The following AGPAT5 variants were observed in gnomAD, a reference collection of about 807,000 sequenced individuals.
AGPAT5 encodes the protein 1-acylglycerol-3-phosphate O-acyltransferase 5.
A neutral mutation model predicts 45.6 loss-of-function variants in AGPAT5; 46 were observed. The observed-to-expected ratio is 1.01, with a 90% CI of 0.80 to 1.29. The LOEUF (loss-of-function observed/expected upper bound fraction) is 1.29. Among genes scored for constraint, AGPAT5 ranks in the 50% most tolerant of loss-of-function variants. AGPAT5 has a pLI of 0.00. For missense variants in AGPAT5, 673 were observed against 450.7 expected (o/e 1.49, Z -4.47); for synonymous variants, 272 against 167.0 (o/e 1.63, Z -4.85).
In AGPAT5 at chr8:6,714,004, C is replaced by T. The variant is rs116931493; in HGVS notation, c.219+5117C>T. Among the ~76,000 whole-genome samples the T allele has an allele frequency of 3.9e-5, 6 of 152,304 alleles. No individual in the cohort carries two copies. In the South Asian group the frequency reaches 1.2e-3, roughly 32 times the overall value. ...ATTCTGAATCTTGCTGTAAAAGCAGCCATTCATTAGAATGAAACATGTTTA... is the reference window on the plus strand; with the variant it reads ...ATTCTGAATCTTGCTGTAAAAGCAGTCATTCATTAGAATGAAACATGTTTA... On this transcript the variant is annotated intron_variant, in intron 1 of 7. Coordinates refer to ENST00000285518, the MANE Select transcript of AGPAT5 (RefSeq NM_018361.5).
Position 6,758,645 on chromosome 8 carries a change from C to G in AGPAT5, c.*1257C>G, listed in dbSNP as rs190960488. The G allele has an allele frequency of 2.0e-5, 3 of 152,650 alleles. No homozygotes were observed. The highest frequency in any genetic ancestry group is 4.4e-5 in the Non-Finnish European group (3 of 68,022). 9.5% of individuals were successfully genotyped at this position (152,650 alleles called of 1,614,324 possible). ...ATGACTGAACGAATTTGTTTATTTC[C>G]CATTAGGTTTAGTGGAGCTACACAT... On this transcript the variant is annotated 3_prime_UTR_variant, in exon 8 of 8. Transcript: ENST00000285518.
chr8:6,748,264 T>TC (rs1801545300), intron 6 of AGPAT5, among the ~76,000 whole-genome samples: 1 of 152,314 alleles, frequency 6.6e-6, no homozygotes, highest in African/African-American at 2.4e-5. Context: ...CCTTTTTTTT[T>TC]CCCCAAACAT....
At chr8:6,737,107 T>C (rs780235640) in intron 4 of AGPAT5, among the ~76,000 whole-genome samples, 1 of 152,224 alleles carries the variant, frequency 6.6e-6, no homozygotes, top group African/African-American at 2.4e-5. Flanking sequence ...TCCCTGTTTT[T>C]TGTGGGCAAA....
chr8:6,719,548 T>C (rs1425731860), intron 1 of AGPAT5, among the ~76,000 whole-genome samples: 1 of 152,216 alleles, frequency 6.6e-6, no homozygotes, highest in Non-Finnish European at 1.5e-5. Context: ...GTAGATTATG[T>C]GGTTCACACT....
chr8:6,740,613 A>G (rs17078031), intron 4 of AGPAT5, among the ~76,000 whole-genome samples: 1,858 of 151,904 alleles, frequency 0.012, 43 homozygotes, highest in African/African-American at 0.043. Flanking sequence ...AAAAGCTTGC[A>G]TATTTGCGTG....
At chr8:6,722,078 C>A (rs1242027468) in intron 1 of AGPAT5, among the ~76,000 whole-genome samples, 2 of 151,998 alleles carry the variant, frequency 1.3e-5, no homozygotes, top group Non-Finnish European at 2.9e-5. Context: ...ATTTCAGCTC[C>A]CAGGGGTGGT....
In AGPAT5 at chr8:6,708,869, G is replaced by C. The variant is rs1230208680; in HGVS notation, c.201G>C (p.Glu67Asp). 2 of 1,607,040 alleles carry C rather than the reference G, an allele frequency of 1.2e-6. No homozygotes were observed. ...AGAGCATGGTGCTCTTCTTCTTCGA[G>C]AATTACACCGGGGTCCAGGTGAGCC... is the stretch of plus-strand genomic sequence containing the variant. ...VYQSMVLFFF[E>D]NYTGVQILLY... The change falls in exon 1 of 8, where the codon GAG becomes GAC. Residue 67 changes from glutamate to aspartate, a missense_variant. Transcript: ENST00000285518.
chr8:6,710,203 A>G (rs1426794030), intron 1 of AGPAT5, among the ~76,000 whole-genome samples: 4 of 152,178 alleles, frequency 2.6e-5, no homozygotes, highest in Admixed American at 6.5e-5. Context: ...AGAATACACC[A>G]TTGAAGGATT....
At chr8:6,717,773 A>AT (rs1303696693) in intron 1 of AGPAT5, among the ~76,000 whole-genome samples, 2 of 151,970 alleles carry the variant, frequency 1.3e-5, no homozygotes, top group Non-Finnish European at 2.9e-5. Flanking sequence ...ATAGGAATAA[A>AT]TTTTTTGTTG....
At chr8:6,711,931 C>T (rs760672589) in intron 1 of AGPAT5, among the ~76,000 whole-genome samples, 3 of 152,332 alleles carry the variant, frequency 2.0e-5, no homozygotes, top group East Asian at 3.9e-4. Context: ...CTCTTCATCT[C>T]AAGATCCTTA....
At chr8:6,752,895 G>A (rs1350826759) in intron 6 of AGPAT5, among the ~76,000 whole-genome samples, 1 of 152,148 alleles carries the variant, frequency 6.6e-6, no homozygotes, top group Non-Finnish European at 1.5e-5. Flanking sequence ...ACATTGAACT[G>A]CTTTCCACTT....
intron 5 of AGPAT5, among the ~76,000 whole-genome samples, chr8:6,744,106 A>C (rs1330299424): frequency 6.6e-6 from 1 of 152,098 alleles, no homozygotes; most frequent in African/African-American, 2.4e-5. Flanking sequence ...TTTATAATAT[A>C]GGATATTAAT....
chr8:6,713,647 G>A (rs942901707), intron 1 of AGPAT5, among the ~76,000 whole-genome samples: 4 of 152,068 alleles, frequency 2.6e-5, no homozygotes, highest in Non-Finnish European at 4.4e-5. Flanking sequence ...CTCTGCCCCC[G>A]GGCTCAAGCG....
Position 6,738,587 on chromosome 8 carries a change from C to G in AGPAT5, c.496-3074C>G, listed in dbSNP as rs139889344. Reference sequence around the variant, plus strand: ...CTGTTGGAAAAATGGCACCAATAGACTTGCTCGATGCAGGGTTGTCATAAA... The same window carrying G: ...CTGTTGGAAAAATGGCACCAATAGAGTTGCTCGATGCAGGGTTGTCATAAA... On this transcript the variant is annotated intron_variant, in intron 4 of 7. Coordinates refer to ENST00000285518, the MANE Select transcript of AGPAT5 (RefSeq NM_018361.5). 183 of 152,246 alleles carry G rather than the reference C, an allele frequency of 1.2e-3. 1 individual carries two copies. The highest frequency in any genetic ancestry group is 4.1e-3 in the African/African-American group (170 of 41,542). 9.4% of individuals were successfully genotyped at this position (152,246 alleles called of 1,614,324 possible).
Position 6,715,849 on chromosome 8 carries a change from T to G in AGPAT5, c.219+6962T>G, listed in dbSNP as rs563696945. On this transcript the variant is annotated intron_variant, in intron 1 of 7. Coordinates refer to ENST00000285518, the MANE Select transcript of AGPAT5 (RefSeq NM_018361.5). Reference sequence around the variant, plus strand: ...AGGCTATAAAAATTACTTGGAGTTTTTACTTTGAACATGCGTAATTAACAT... The same window carrying G: ...AGGCTATAAAAATTACTTGGAGTTTGTACTTTGAACATGCGTAATTAACAT... Among the ~76,000 whole-genome samples, 391 of 152,344 alleles carry G rather than the reference T, an allele frequency of 2.6e-3. 2 individuals carry two copies. Among genetic ancestry groups the G allele is most frequent in the African/African-American group, 8.9e-3 (369 of 41,572 alleles).
chr8:6,729,520 T>C (rs2116893182), intron 2 of AGPAT5, among the ~76,000 whole-genome samples: 1 of 152,282 alleles, frequency 6.6e-6, no homozygotes, highest in East Asian at 1.9e-4. Context: ...ACATTTCATT[T>C]TTATGTTTTC....
chr8:6,714,074 C>G (rs1018312551), intron 1 of AGPAT5, among the ~76,000 whole-genome samples: 12 of 152,180 alleles, frequency 7.9e-5, no homozygotes, highest in Non-Finnish European at 1.6e-4. Flanking sequence ...AGTCTACTCC[C>G]TTTTATGACA....
At chr8:6,741,596 T>A in intron 4 of AGPAT5, 65 bp from the exon 5 acceptor site, 1 of 1,171,716 alleles carries the variant, frequency 8.5e-7, no homozygotes, top group Non-Finnish European at 1.2e-6. Context: ...TTTAGCTTTT[T>A]TAGGTTAACA....
intron 7 of AGPAT5, among the ~76,000 whole-genome samples, chr8:6,756,125 T>G (rs1289745349): frequency 6.6e-6 from 1 of 152,218 alleles, no homozygotes; most frequent in Non-Finnish European, 1.5e-5. Context: ...TGTTTTAGAT[T>G]ATTATATCGG....
Sources: gnomAD v4.1 joint callset for allele counts (sites outside exome capture counted in the v4.1 genomes callset) on GRCh38, gnomAD v4.1.1 for gene constraint, MANE v1.5 for transcripts, NCBI Gene and HGNC (gene_info 2026-07-23, HGNC 2026-07-21) for gene names.